The following CACNA2D1 variants were observed in gnomAD, a reference collection of about 807,000 sequenced individuals.
CACNA2D1 encodes calcium voltage-gated channel auxiliary subunit alpha2delta 1, also known as voltage-dependent calcium channel subunit alpha-2/delta-1.
In CACNA2D1, 53 loss-of-function variants were observed where a neutral mutation model predicts 171.5. That is an observed-to-expected ratio of 0.31 (90% CI 0.25 to 0.39). The LOEUF (loss-of-function observed/expected upper bound fraction) is 0.39, where lower values mean the gene tolerates loss of function less well. Among genes scored for constraint, CACNA2D1 ranks in the 10% least tolerant of loss-of-function variants. The probability of loss-of-function intolerance (pLI) is 1.00; values close to 1 mark genes in which losing one functional copy is unlikely to be tolerated. For missense variants in CACNA2D1, 903 were observed against 1,299.8 expected (o/e 0.69, Z 4.69); for synonymous variants, 442 against 443.1 (o/e 1.00, Z 0.03).
At chr7:82,333,376 C>A (rs1432542185) in intron 3 of CACNA2D1, among the ~76,000 whole-genome samples, 2 of 152,142 alleles carry the variant, frequency 1.3e-5, no homozygotes, top group African/African-American at 2.4e-5. Flanking sequence ...ATACCCCAGA[C>A]TGGCTAATTT....
At chr7:82,377,966 T>C (rs1823211662) in intron 1 of CACNA2D1, among the ~76,000 whole-genome samples, 1 of 152,218 alleles carries the variant, frequency 6.6e-6, no homozygotes, top group Admixed American at 6.5e-5. Context: ...TCCTATCATG[T>C]ATGGCCTGTA....
chr7:82,305,929 A>G (rs1181641456), intron 3 of CACNA2D1, among the ~76,000 whole-genome samples: 1 of 152,178 alleles, frequency 6.6e-6, no homozygotes, highest in Non-Finnish European at 1.5e-5. Context: ...CTAGTCAGAT[A>G]CCCAGGTGTC....
chr7:82,306,887 A>C (rs1254560335), intron 3 of CACNA2D1, among the ~76,000 whole-genome samples: 1 of 152,142 alleles, frequency 6.6e-6, no homozygotes, highest in Non-Finnish European at 1.5e-5. Flanking sequence ...CAAAAAAAAA[A>C]AAAAAATAGC....
At chr7:82,267,884 C>G (rs1175629373) in intron 3 of CACNA2D1, among the ~76,000 whole-genome samples, 1 of 152,164 alleles carries the variant, frequency 6.6e-6, no homozygotes, top group African/African-American at 2.4e-5. Flanking sequence ...GTAGTCTCAG[C>G]TACTCGGGAG....
At chr7:82,224,308 C>T (rs1802112170) in intron 3 of CACNA2D1, among the ~76,000 whole-genome samples, 1 of 152,168 alleles carries the variant, frequency 6.6e-6, no homozygotes, top group Admixed American at 6.5e-5. Context: ...TAATATTTGG[C>T]CGGGCGCAGT....
At chr7:82,305,557 T>C (rs1813618554) in intron 3 of CACNA2D1, among the ~76,000 whole-genome samples, 1 of 151,914 alleles carries the variant, frequency 6.6e-6, no homozygotes, top group African/African-American at 2.4e-5. Context: ...TTCATCTACA[T>C]AACAAGACTA....
chr7:82,420,903 T>C (rs1828660761), intron 1 of CACNA2D1, among the ~76,000 whole-genome samples: 1 of 152,082 alleles, frequency 6.6e-6, no homozygotes, highest in Non-Finnish European at 1.5e-5. Context: ...GGATAACACA[T>C]AACCATCTTT....
rs552097005 is a variant in CACNA2D1 at position 82,104,743 on chromosome 7, G to A, written c.526+12301C>T. On this transcript the variant is annotated intron_variant, in intron 6 of 38. Coordinates refer to ENST00000356860, the MANE Select transcript of CACNA2D1 (RefSeq NM_000722.4). Reference sequence around the variant, plus strand: ...ATAAGTATGAGACAATCAACTAATAGAGTAAATATGAACTCCTATGTGAAA... The same window carrying A: ...ATAAGTATGAGACAATCAACTAATAAAGTAAATATGAACTCCTATGTGAAA... Among the ~76,000 whole-genome samples, 27 of 152,094 alleles carry A rather than the reference G, an allele frequency of 1.8e-4. 1 individual carries two copies. The South Asian group carries it at 5.4e-3, about 30-fold the overall frequency.
chr7:82,218,533 A>G lies in CACNA2D1; in HGVS notation c.295-47924T>C, dbSNP rs73374309. Among the ~76,000 whole-genome samples the G allele has an allele frequency of 5.6e-3, 858 of 152,338 alleles. 11 individuals are homozygous for G. The highest frequency in any genetic ancestry group is 0.019 in the African/African-American group (803 of 41,590). On this transcript the variant is annotated intron_variant, in intron 3 of 38. Coordinates refer to ENST00000356860, the MANE Select transcript of CACNA2D1 (RefSeq NM_000722.4). ...AAAAATAATGACACCTTACTATAAA[A>G]TAGGAGTGTAGAACTTGTCTACACC...
At chr7:81,977,298 A>G (rs908438124) in intron 24 of CACNA2D1, among the ~76,000 whole-genome samples, 6 of 152,208 alleles carry the variant, frequency 3.9e-5, no homozygotes, top group African/African-American at 9.6e-5. Context: ...TTCTGCATCA[A>G]TTGAGGTAAT....
intron 3 of CACNA2D1, among the ~76,000 whole-genome samples, chr7:82,179,448 T>A (rs1796893172): frequency 6.6e-6 from 1 of 152,102 alleles, no homozygotes; most frequent in South Asian, 2.1e-4. Context: ...TAGGAGATCA[T>A]CCACTCAGAG....
At chr7:82,025,677 G>C (rs1455476921) in intron 12 of CACNA2D1, among the ~76,000 whole-genome samples, 1 of 151,716 alleles carries the variant, frequency 6.6e-6, no homozygotes, top group African/African-American at 2.4e-5. Flanking sequence ...ATTTCAATCT[G>C]AATTTGTTAA....
At chr7:82,045,169 A>C (rs1056397173) in intron 10 of CACNA2D1, among the ~76,000 whole-genome samples, 1 of 152,156 alleles carries the variant, frequency 6.6e-6, no homozygotes, top group Non-Finnish European at 1.5e-5. Context: ...CTTTCCAAAA[A>C]TTTTGTGCCA....
chr7:82,006,497 C>A (rs1227117788), intron 16 of CACNA2D1, among the ~76,000 whole-genome samples: 1 of 151,604 alleles, frequency 6.6e-6, no homozygotes, highest in Non-Finnish European at 1.5e-5. Flanking sequence ...AATTTTGGGT[C>A]CAAAATTGTT....
At chr7:82,398,856 G>A (rs1362618915) in intron 1 of CACNA2D1, among the ~76,000 whole-genome samples, 1 of 151,830 alleles carries the variant, frequency 6.6e-6, no homozygotes, top group Non-Finnish European at 1.5e-5. Flanking sequence ...TAGGATTACA[G>A]GCATGAGCCA....
intron 20 of CACNA2D1, among the ~76,000 whole-genome samples, chr7:81,994,403 G>A (rs1325314716): frequency 6.6e-6 from 1 of 151,906 alleles, no homozygotes; most frequent in African/African-American, 2.4e-5. Context: ...GATAAATCAA[G>A]CCAGAAACAA....
rs112069341 is a variant in CACNA2D1 at position 82,437,721 on chromosome 7, C to T, written c.95+5644G>A. On this transcript the variant is annotated intron_variant, in intron 1 of 38. Transcript: ENST00000356860. ...AAACAAGTGGCAAAATATAAAGGAG[C>T]AATGACCGCTTTCTTTACTCATTTT... 4.5e-3 allele frequency among the ~76,000 whole-genome samples: 398 copies of T among 88,738 alleles called. 1 individual carries two copies. Among genetic ancestry groups the T allele is most frequent in the African/African-American group, 0.025 (388 of 15,308 alleles). 58.2% of individuals were successfully genotyped at this position (88,738 alleles called of 152,430 possible). A position where few individuals can be genotyped will look rare whatever the true frequency, so the allele number is the denominator to read the frequency against.
At chr7:81,966,367 C>T (rs942096613) in intron 31 of CACNA2D1, among the ~76,000 whole-genome samples, 1 of 151,492 alleles carries the variant, frequency 6.6e-6, no homozygotes, top group Non-Finnish European at 1.5e-5. Flanking sequence ...AATGTGGAAG[C>T]AGTTTATTAC....
chr7:82,258,171 A>G (rs1806525721), intron 3 of CACNA2D1, among the ~76,000 whole-genome samples: 1 of 152,126 alleles, frequency 6.6e-6, no homozygotes, highest in African/African-American at 2.4e-5. Flanking sequence ...CCAGCACTCC[A>G]CTCTTACGCC....
Sources: gnomAD v4.1 joint callset for allele counts (sites outside exome capture counted in the v4.1 genomes callset) on GRCh38, gnomAD v4.1.1 for gene constraint, MANE v1.5 for transcripts, NCBI Gene and HGNC (gene_info 2026-07-23, HGNC 2026-07-21) for gene names.